The following EARS2 variants were observed in gnomAD, a reference collection of about 807,000 sequenced individuals.
The protein encoded by EARS2 is nondiscriminating glutamyl-tRNA synthetase EARS2, mitochondrial.
EARS2 carries 50 observed loss-of-function variants against 54.1 expected under a neutral mutation model. That is an observed-to-expected ratio of 0.92 (90% CI 0.74 to 1.17). The LOEUF (loss-of-function observed/expected upper bound fraction) is 1.17, where lower values mean the gene tolerates loss of function less well. Among genes scored for constraint, EARS2 ranks in the 50% most tolerant of loss-of-function variants. The probability of loss-of-function intolerance (pLI) is 0.00; values close to 1 mark genes in which losing one functional copy is unlikely to be tolerated. For missense variants in EARS2, 673 were observed against 675.0 expected (o/e 1.00, Z 0.03); for synonymous variants, 298 against 281.0 (o/e 1.06, Z -0.61).
At chr16:23,546,391 C>CA in intron 2 of EARS2, 1 of 456,024 alleles carries the variant, frequency 2.2e-6, no homozygotes, top group Non-Finnish European at 4.4e-6. Context: ...CCAGCCAGCT[C>CA]AGAGATCTTG....
rs137973249 is a variant in EARS2, at chr16:23,525,320, T to C, written c.1412A>G (p.Lys471Arg). 8.1e-6 allele frequency: 13 copies of C among 1,614,120 alleles called. No homozygotes were observed. The highest frequency in any genetic ancestry group is 5.0e-5 in the Admixed American group (3 of 60,016). The change falls in exon 8 of 9, where the codon AAG becomes AGG. Residue 471 changes from lysine to arginine, a missense_variant. Physicochemically the swap from Lys to Arg is conservative, Grantham distance 26. This residue lies in a region of EARS2 where 338 missense variants were observed against 361.2 expected (regional missense o/e 0.94). Coordinates refer to ENST00000449606, the MANE Select transcript of EARS2 (RefSeq NM_001083614.2). ...GGTGCCTTCCAGACCTTCTGATAGC[T>C]TCTTCAGTTCTCCATTCAGCATATC... ...TQDMLNGELK[K>R]LSEGLEGTKY...
rs1443794131 is a variant in EARS2, at chr16:23,544,715, G to A, written c.296-12C>T. 2 of 1,591,652 alleles carry A rather than the reference G, an allele frequency of 1.3e-6. No homozygotes were observed. Among genetic ancestry groups the A allele is most frequent in the African/African-American group, 2.7e-5 (2 of 74,644 alleles). On this transcript the variant is annotated splice_polypyrimidine_tract_variant and intron_variant, in intron 2 of 8. Transcript: ENST00000449606. ...ATCAGGCGGGATGCCTGGAACACAGGGAATAATGACAGCTAAGGTGCACAC... is the reference window on the plus strand; with the variant it reads ...ATCAGGCGGGATGCCTGGAACACAGAGAATAATGACAGCTAAGGTGCACAC...
At chr16:23,556,725 ATG>A in intron 1 of EARS2, 1 of 363,986 alleles carries the variant, frequency 2.7e-6, no homozygotes, top group Admixed American at 3.8e-5. Context: ...CTCAGCTCAA[ATG>A]TTACCTGCTC....
intron 2 of EARS2, chr16:23,546,371 T>C (rs1402161608): frequency 2.2e-6 from 1 of 455,966 alleles, no homozygotes; most frequent in Non-Finnish European, 4.4e-6. Flanking sequence ...TGGGCCTGGG[T>C]TCAAACGTAC....
Position 23,524,209 on chromosome 16 carries a change from T to C in EARS2, c.*162A>G, listed in dbSNP as rs1374145084. 1.5e-6 allele frequency: 1 copy of C among 689,632 alleles called. No individual in the cohort carries two copies. Among genetic ancestry groups the C allele is most frequent in the African/African-American group, 1.8e-5 (1 of 55,984 alleles). 42.7% of individuals were successfully genotyped at this position (689,632 alleles called of 1,614,324 possible). On this transcript the variant is annotated 3_prime_UTR_variant, in exon 9 of 9. Transcript: ENST00000449606. Reference sequence around the variant, plus strand: ...CAGCCAATTGACAAAAACGTGCCTGTGGTGGATCACAAATGCACTTGTGTG... The same window carrying C: ...CAGCCAATTGACAAAAACGTGCCTGCGGTGGATCACAAATGCACTTGTGTG...
At chr16:23,531,033 A>G (rs2142166345) in intron 5 of EARS2, among the ~76,000 whole-genome samples, 1 of 150,590 alleles carries the variant, frequency 6.6e-6, no homozygotes, top group Non-Finnish European at 1.5e-5. Context: ...CTGAGACTAC[A>G]GGCGCCCGCC....
chr16:23,544,287 A>C (rs970163608), intron 3 of EARS2, among the ~76,000 whole-genome samples: 1 of 152,176 alleles, frequency 6.6e-6, no homozygotes, highest in African/African-American at 2.4e-5. Context: ...ATGGAAGTAG[A>C]TCTTCCCCAA....
chr16:23,552,450 T>C (rs765785122), intron 1 of EARS2, 146 bp from the exon 2 acceptor site: 94 of 910,270 alleles, frequency 1.0e-4, no homozygotes, highest in Non-Finnish European at 1.4e-4. Context: ...ATCCTACCAC[T>C]TTGGGAGGCC....
Position 23,522,122 on chromosome 16 carries a change from G to A in EARS2, c.*2249C>T, listed in dbSNP as rs1965149791. 1 of 255,790 alleles carries A rather than the reference G, an allele frequency of 3.9e-6. No homozygotes were observed. The highest frequency in any genetic ancestry group is 8.0e-6 in the Non-Finnish European group (1 of 124,876). The allele number at this position is 255,790 out of a possible 1,614,324, so 15.8% of individuals were successfully genotyped here. On this transcript the variant is annotated 3_prime_UTR_variant, in exon 9 of 9. Transcript: ENST00000449606. Reference sequence around the variant, plus strand: ...CATATAAGCGCACAATAAATTACAAGTATTATTATTGTCCCCTTCTGTGGT... The same window carrying A: ...CATATAAGCGCACAATAAATTACAAATATTATTATTGTCCCCTTCTGTGGT...
intron 2 of EARS2, among the ~76,000 whole-genome samples, chr16:23,547,547 C>G (rs1361335470): frequency 1.3e-5 from 2 of 152,226 alleles, no homozygotes; most frequent in Admixed American, 1.3e-4. Context: ...GCTCTGTCAC[C>G]CAGGCTGGAG....
At chr16:23,552,399 A>T in intron 1 of EARS2, 95 bp from the exon 2 acceptor site, 1 of 1,399,018 alleles carries the variant, frequency 7.1e-7, no homozygotes, top group South Asian at 1.3e-5. Context: ...ATGTTGCAAT[A>T]AATTTAAAAG....
Position 23,534,890 on chromosome 16 carries a change from G to A in EARS2, c.956C>T (p.Ala319Val). 6.4e-7 allele frequency: 1 copy of A among 1,569,556 alleles called. No homozygotes were observed. The highest frequency in any genetic ancestry group is 1.2e-5 in the South Asian group (1 of 82,892). Residue 319 changes from alanine to valine, a missense_variant and splice_region_variant, in exon 4 of 9, where the codon GCA (alanine) becomes GTA (valine). Around this residue, in one of 3 missense-constraint regions of EARS2, gnomAD observed 338 missense variants for 361.2 expected, o/e 0.94. Coordinates refer to ENST00000449606, the MANE Select transcript of EARS2 (RefSeq NM_001083614.2). ...DIITNCGSGF[A>V]ENQMGRTLPE... ...GGACTATTCAGGTGGGCACGTACCT[G>A]CAAAACCTGAGCCACAGTTGGTGAT...
intron 5 of EARS2, chr16:23,532,404 G>GT: frequency 3.2e-6 from 1 of 314,510 alleles, no homozygotes; most frequent in Non-Finnish European, 5.8e-6. Context: ...TGAGCACTTT[G>GT]TATGTGCCAG....
At chr16:23,549,745 T>G (rs1047662347) in intron 2 of EARS2, among the ~76,000 whole-genome samples, 2 of 152,152 alleles carry the variant, frequency 1.3e-5, no homozygotes, top group Non-Finnish European at 2.9e-5. Flanking sequence ...CGTGTACCCC[T>G]GTGCCCGACC....
intron 5 of EARS2, 149 bp downstream of exon 5, chr16:23,532,508 G>A (rs1341697315): frequency 1.8e-6 from 1 of 559,006 alleles, no homozygotes; most frequent in East Asian, 2.8e-5. Context: ...CCATTTTAGA[G>A]AAGAGAAAAC....
At chr16:23,555,102 C>T (rs1350828008) in intron 1 of EARS2, among the ~76,000 whole-genome samples, 3 of 152,166 alleles carry the variant, frequency 2.0e-5, no homozygotes, top group African/African-American at 4.8e-5. Flanking sequence ...CTAAGTGGTT[C>T]GGCTGCATGA....
intron 4 of EARS2, among the ~76,000 whole-genome samples, chr16:23,534,464 T>C (rs1259505751): frequency 6.6e-6 from 1 of 152,222 alleles, no homozygotes; most frequent in Non-Finnish European, 1.5e-5. Context: ...ACTAAATCCA[T>C]ATTAATTCTA....
At chr16:23,541,885 G>A (rs959205014) in intron 3 of EARS2, among the ~76,000 whole-genome samples, 2 of 150,858 alleles carry the variant, frequency 1.3e-5, no homozygotes, top group Non-Finnish European at 2.9e-5. Flanking sequence ...TGGAGATGGA[G>A]TCTTGCTCTG....
In EARS2 at chr16:23,524,339, G is replaced by A. The variant is rs1433794966; in HGVS notation, c.*32C>T. The A allele has an allele frequency of 2.5e-6, 4 of 1,591,094 alleles. No homozygotes were observed. The highest frequency in any genetic ancestry group is 3.5e-6 in the Non-Finnish European group (4 of 1,159,098). On this transcript the variant is annotated 3_prime_UTR_variant, in exon 9 of 9. Transcript: ENST00000449606. ...CTGTTTCTAAGCTCACAGGTTCTTA[G>A]GGCGATCTCCACTGCCCGAAACATC...
Sources: gnomAD v4.1 joint callset for allele counts (sites outside exome capture counted in the v4.1 genomes callset) on GRCh38, gnomAD v4.1.1 for gene constraint, gnomAD v4.1.1 regional missense constraint, MANE v1.5 for transcripts, NCBI Gene and HGNC (gene_info 2026-07-23, HGNC 2026-07-21) for gene names.